AKAP7: variants seen among roughly 807,000 people sequenced by gnomAD.
The protein encoded by AKAP7 is A-kinase anchoring protein 7, also known as A kinase (PRKA) anchor protein 7.
A neutral mutation model predicts 39.5 loss-of-function variants in AKAP7; 39 were observed. That is an observed-to-expected ratio of 0.99 (90% CI 0.76 to 1.29). AKAP7 has a LOEUF of 1.29. AKAP7 is among the 50% of genes most tolerant of loss of function. The probability of loss-of-function intolerance (pLI) is 0.00; values close to 1 mark genes in which losing one functional copy is unlikely to be tolerated. For missense variants in AKAP7, 414 were observed against 407.7 expected, an observed-to-expected ratio of 1.02 and a Z score of -0.13; for synonymous variants, 140 against 139.1, an observed-to-expected ratio of 1.01 and a Z score of -0.05.
intron 5 of AKAP7, among the ~76,000 whole-genome samples, chr6:131,187,991 A>G (rs767900746): frequency 3.3e-4 from 50 of 152,218 alleles, no homozygotes; most frequent in Middle Eastern, 3.2e-3. Flanking sequence ...AGCACAAACT[A>G]AATAATGGGA....
intron 5 of AKAP7, among the ~76,000 whole-genome samples, chr6:131,196,248 T>C (rs768947376): frequency 6.6e-6 from 1 of 151,464 alleles, no homozygotes; most frequent in Non-Finnish European, 1.5e-5. Context: ...TTCTAATGCA[T>C]TCTTCAGCAT....
chr6:131,135,880 G>T, intron 1 of AKAP7, 98 bp downstream of exon 1: 1 of 1,183,222 alleles, frequency 8.5e-7, no homozygotes, highest in Non-Finnish European at 1.1e-6. Context: ...CCTGACCCGC[G>T]CCGGCCCTTC....
Position 131,281,962 on chromosome 6 carries a change from C to A in AKAP7, c.*236C>A. The stretch of plus-strand genomic sequence containing the variant: ...GATGAAAGAAGAATGGCCCAAGTTT[C>A]ATTCGCCCTCAGCCACGCACAAGGG... On this transcript the variant is annotated 3_prime_UTR_variant, in exon 8 of 8. Transcript: ENST00000431975. The surrounding 1 kb of genome is among the most constrained non-coding windows in gnomAD (Gnocchi z 4.0). The A allele has an allele frequency of 8.3e-7, 1 of 1,205,182 alleles. No homozygotes were observed. The highest frequency in any genetic ancestry group is 1.0e-6 in the Non-Finnish European group (1 of 971,790). The allele number at this position is 1,205,182 out of a possible 1,614,324, so 74.7% of individuals were successfully genotyped here.
At chr6:131,233,851 A>G (rs1311731031) in intron 7 of AKAP7, among the ~76,000 whole-genome samples, 1 of 152,164 alleles carries the variant, frequency 6.6e-6, no homozygotes, top group African/African-American at 2.4e-5. Flanking sequence ...CGAAACCTCT[A>G]TTTTGCATTA....
intron 2 of AKAP7, among the ~76,000 whole-genome samples, chr6:131,151,268 C>T (rs1180341752): frequency 6.6e-6 from 1 of 151,492 alleles, no homozygotes; most frequent in African/African-American, 2.4e-5. Flanking sequence ...GTTTCAAACT[C>T]GTGGGCTCAA....
chr6:131,165,021 A>G, intron 3 of AKAP7, 60 bp from the exon 4 acceptor site: 1 of 1,351,128 alleles, frequency 7.4e-7, no homozygotes, highest in East Asian at 2.5e-5. Flanking sequence ...ATTTTACCAT[A>G]AAGAAATTTT....
intron 6 of AKAP7, among the ~76,000 whole-genome samples, chr6:131,209,475 C>T (rs961876772): frequency 6.6e-6 from 1 of 152,128 alleles, no homozygotes; most frequent in African/African-American, 2.4e-5. Context: ...TGGTCTGGAT[C>T]TCCTGACCTT....
intron 7 of AKAP7, among the ~76,000 whole-genome samples, chr6:131,269,305 C>T (rs2021145): frequency 0.016 from 2,481 of 152,270 alleles, 53 homozygotes; most frequent in African/African-American, 0.055. Context: ...TCAGGTGATC[C>T]GCCAAGTGCT....
At chr6:131,126,817 CA>C in the AKAP7 span, among the ~76,000 whole-genome samples, 2 of 152,252 alleles carry the variant, frequency 1.3e-5, no homozygotes, top group South Asian at 4.1e-4. Context: ...GAGGTTTGAA[CA>C]AAGAGAAATC....
At position 131,171,323 on chromosome 6, in the gene AKAP7, T is replaced by C. The variant is rs369409605; in HGVS notation, c.589+2050T>C. Among the ~76,000 whole-genome samples, 204 of 152,086 alleles carry C rather than the reference T, an allele frequency of 1.3e-3. 1 individual carries two copies. Among genetic ancestry groups the C allele is most frequent in the African/African-American group, 4.7e-3 (193 of 41,466 alleles). ...CACATAGGAAGGAGAAGGGGGCGGATTGAGGAAGATTTCATAGGAGAAATA... is the reference window on the plus strand; with the variant it reads ...CACATAGGAAGGAGAAGGGGGCGGACTGAGGAAGATTTCATAGGAGAAATA... On this transcript the variant is annotated intron_variant, in intron 5 of 7. Transcript: ENST00000431975.
At chr6:131,168,899 T>C (rs1238461186) in intron 4 of AKAP7, among the ~76,000 whole-genome samples, 1 of 152,206 alleles carries the variant, frequency 6.6e-6, no homozygotes, top group African/African-American at 2.4e-5. Flanking sequence ...ATAGTGATTA[T>C]AATTAGGTAA....
At chr6:131,271,745 G>C (rs1374250318) in intron 7 of AKAP7, among the ~76,000 whole-genome samples, 2 of 152,014 alleles carry the variant, frequency 1.3e-5, no homozygotes, top group Non-Finnish European at 2.9e-5. Flanking sequence ...AGAGACACAT[G>C]AGTCAAATGA....
At chr6:131,260,820 G>GTTAAT (rs1383206104) in intron 7 of AKAP7, among the ~76,000 whole-genome samples, 1 of 152,022 alleles carries the variant, frequency 6.6e-6, no homozygotes, top group Admixed American at 6.6e-5. Flanking sequence ...GATTCCACTT[G>GTTAAT]TTAATTTTTG....
chr6:131,185,187 GTGTC>G (rs1805709398), intron 5 of AKAP7: 2 of 500,766 alleles, frequency 4.0e-6, no homozygotes, highest in Non-Finnish European at 7.6e-6. Flanking sequence ...GGTGGGGTCT[GTGTC>G]TGGCTTAATA....
chr6:131,238,819 T>C (rs946326136), intron 7 of AKAP7, among the ~76,000 whole-genome samples: 1 of 152,160 alleles, frequency 6.6e-6, no homozygotes, highest in Non-Finnish European at 1.5e-5. Context: ...GTGAGATGGG[T>C]TTTCTGAATA....
intron 7 of AKAP7, among the ~76,000 whole-genome samples, chr6:131,255,147 T>G (rs1812741478): frequency 6.6e-6 from 1 of 152,230 alleles, no homozygotes; most frequent in Non-Finnish European, 1.5e-5. Context: ...CATGGTTACC[T>G]TTCACATGTC....
intron 5 of AKAP7, among the ~76,000 whole-genome samples, chr6:131,189,669 T>TA (rs1007959050): frequency 6.6e-6 from 1 of 152,188 alleles, no homozygotes; most frequent in Admixed American, 6.5e-5. Context: ...ATGTAAAGCC[T>TA]AAAAAACAGA....
At chr6:131,150,262 A>G (rs1057158394) in intron 2 of AKAP7, among the ~76,000 whole-genome samples, 2 of 152,188 alleles carry the variant, frequency 1.3e-5, no homozygotes, top group Non-Finnish European at 2.9e-5. Context: ...GTAATAACTG[A>G]AGATTTTGGA....
In AKAP7 at chr6:131,238,862, A is replaced by G. The variant is rs562658897; in HGVS notation, c.850+19054A>G. 2.0e-4 allele frequency among the ~76,000 whole-genome samples: 30 copies of G among 152,200 alleles called. No homozygotes were observed. In the East Asian group the frequency reaches 2.7e-3, roughly 14 times the overall value. ...CTGATAGGTCTTGACTCTTTATCCA[A>G]TTTGCCAGTCCGTGTCTTTTAATTG... On this transcript the variant is annotated intron_variant, in intron 7 of 7. Coordinates refer to ENST00000431975, the MANE Select transcript of AKAP7 (RefSeq NM_016377.4).
Sources: allele counts gnomAD v4.1 joint callset (sites outside exome capture counted in the v4.1 genomes callset), GRCh38; gene constraint gnomAD v4.1.1; non-coding constraint Gnocchi (gnomAD v3.1); transcripts MANE v1.5; gene names NCBI Gene and HGNC (gene_info 2026-07-23, HGNC 2026-07-21).